The following PSG2 variants were observed in gnomAD, a reference collection of about 807,000 sequenced individuals.
PSG2 encodes pregnancy-specific beta-1-glycoprotein 2.
PSG2 carries 49 observed loss-of-function variants against 36.2 expected under a neutral mutation model. The ratio of observed to expected loss-of-function variants is 1.35; its 90% CI spans 1.08 to 1.72. The LOEUF is 1.72. Among genes scored for constraint, PSG2 ranks in the 40% most tolerant of loss-of-function variants. PSG2 has a pLI of 0.00. For missense variants in PSG2, 605 were observed against 407.2 expected, an observed-to-expected ratio of 1.49 and a Z score of -4.18; for synonymous variants, 261 against 155.6, an observed-to-expected ratio of 1.68 and a Z score of -5.04.
chr19:43,082,633 C>A lies in PSG2; in HGVS notation c.-64G>T. The A allele has an allele frequency of 6.3e-7, 1 of 1,589,880 alleles. No individual in the cohort carries two copies. Among genetic ancestry groups the A allele is most frequent in the Non-Finnish European group, 8.6e-7 (1 of 1,162,616 alleles). The stretch of plus-strand genomic sequence containing the variant: ...GCCTAGGATCCAGAAACTTCCTGAG[C>A]ACGGCTGTCAGCTGTGCTGTCCTTC... On this transcript the variant is annotated 5_prime_UTR_variant, in exon 1 of 6. Transcript: ENST00000406487.
chr19:43,082,287 C>T (rs1967991674), intron 1 of PSG2: 1 of 645,592 alleles, frequency 1.5e-6, no homozygotes, highest in Non-Finnish European at 2.5e-6. Flanking sequence ...ATTACAGGAA[C>T]ACACGACAAT....
intron 3 of PSG2, among the ~76,000 whole-genome samples, chr19:43,073,083 T>A (rs1276651001): frequency 6.6e-6 from 1 of 151,708 alleles, no homozygotes; most frequent in Non-Finnish European, 1.5e-5. Flanking sequence ...ATAATGGGAC[T>A]TCCCATTGTC....
chr19:43,080,366 G>A (rs2122918667), intron 2 of PSG2, among the ~76,000 whole-genome samples: 1 of 151,930 alleles, frequency 6.6e-6, no homozygotes, highest in South Asian at 2.1e-4. Flanking sequence ...AGCTCCAGGA[G>A]ACACAGTCCT....
chr19:43,075,281 C>G (rs1441226937), intron 3 of PSG2, 73 bp downstream of exon 3: 2 of 1,612,322 alleles, frequency 1.2e-6, no homozygotes, highest in Non-Finnish European at 8.5e-7. Flanking sequence ...CTGAGAGGGA[C>G]TGAGAGGCCT....
At chr19:43,074,389 T>C (rs1443876179) in intron 3 of PSG2, among the ~76,000 whole-genome samples, 1 of 151,784 alleles carries the variant, frequency 6.6e-6, no homozygotes, top group Non-Finnish European at 1.5e-5. Context: ...GTTTTGTAGT[T>C]TTCAAGGTAT....
Position 43,082,454 on chromosome 19 carries a change from C to A in PSG2, c.64+52G>T, listed in dbSNP as rs555046811. 9.4e-6 allele frequency: 15 copies of A among 1,595,158 alleles called. No individual in the cohort carries two copies. The South Asian group carries it at 1.4e-4, about 15-fold the overall frequency. On this transcript the variant is annotated intron_variant, in intron 1 of 5. Transcript: ENST00000406487. ...CCCCATCCTCTCCAGGAGACCCCAT[C>A]CAGTCACTCTTCTTCCTCCTCCTGT...
At chr19:43,078,568 C>T (rs1483510354) in intron 2 of PSG2, among the ~76,000 whole-genome samples, 1 of 151,542 alleles carries the variant, frequency 6.6e-6, no homozygotes, top group South Asian at 2.1e-4. Context: ...AGGCGGATTC[C>T]AGCACAAACT....
At position 43,079,387 on chromosome 19, in the gene PSG2, G is replaced by A. The variant is rs749960653; in HGVS notation, c.430+1494C>T. 3.3e-5 allele frequency among the ~76,000 whole-genome samples: 5 copies of A among 151,582 alleles called. 2 individuals carry two copies. Among genetic ancestry groups the A allele is most frequent in the African/African-American group, 2.4e-5 (1 of 41,020 alleles). On this transcript the variant is annotated intron_variant, in intron 2 of 5. Coordinates refer to ENST00000406487, the MANE Select transcript of PSG2 (RefSeq NM_031246.4). ...GTGGGGGGATGAAACATGGGTGTCA[G>A]CTTCTGAAGGACAAGGGACAGGTGT...
At chr19:43,081,379 ACACACACACACACACACAC>A in intron 1 of PSG2, 133 bp from the exon 2 acceptor site, 1 of 1,329,688 alleles carries the variant, frequency 7.5e-7, no homozygotes, top group Non-Finnish European at 1.0e-6. Context: ...ACACACACAC[ACACACACACACACACACAC>A]AAAAGGGGCA....
At chr19:43,082,381 C>T (rs1057149903) in intron 1 of PSG2, 125 bp downstream of exon 1, 39 of 1,441,078 alleles carry the variant, frequency 2.7e-5, no homozygotes, top group Non-Finnish European at 3.7e-5. Context: ...ATCTCGTGAT[C>T]CACCCACCTC....
At chr19:43,079,332 G>T (rs1967938779) in intron 2 of PSG2, among the ~76,000 whole-genome samples, 1 of 151,484 alleles carries the variant, frequency 6.6e-6, no homozygotes, top group Non-Finnish European at 1.5e-5. Flanking sequence ...AGAGTTACAT[G>T]AGGTGGGGTT....
rs1266908171 is a variant in PSG2, at chr19:43,081,212, A to T, written c.99T>A (p.Thr33=). The change falls in exon 2 of 6, where the codon ACT becomes ACA. Residue 33 remains threonine (T), a synonymous_variant. Coordinates refer to ENST00000406487, the MANE Select transcript of PSG2 (RefSeq NM_031246.4). ...SLLNFWNLPT[T]AQVTIEAQPP... is the part of the protein sequence containing the mutation. ...GCTGGGCTTCAATCGTGACTTGGGCAGTGGTGGGCAGGTTCCAGAAGTTTA... is the reference window on the plus strand; with the variant it reads ...GCTGGGCTTCAATCGTGACTTGGGCTGTGGTGGGCAGGTTCCAGAAGTTTA... 1.2e-6 allele frequency: 2 copies of T among 1,612,460 alleles called. No homozygotes were observed. The highest frequency in any genetic ancestry group is 1.7e-6 in the Non-Finnish European group (2 of 1,179,606).
At chr19:43,066,166 G>A (rs1218265902) in intron 5 of PSG2, among the ~76,000 whole-genome samples, 2 of 151,746 alleles carry the variant, frequency 1.3e-5, no homozygotes, top group East Asian at 3.8e-4. Flanking sequence ...GAGACAAGAA[G>A]TCAAGCAATA....
rs111574245 is a variant in PSG2 at position 43,079,013 on chromosome 19, T to C, written c.430+1868A>G. On this transcript the variant is annotated intron_variant, in intron 2 of 5. Transcript: ENST00000406487. ...GGCAACTCCAGGTGATTTCTGCACC[T>C]TTCCTATTTCCTGGGAGGTTGGCTA... Among the ~76,000 whole-genome samples the C allele has an allele frequency of 5.1e-3, 780 of 151,708 alleles. 28 individuals carry two copies. Among genetic ancestry groups the C allele is most frequent in the African/African-American group, 0.018 (731 of 41,124 alleles).
intron 2 of PSG2, among the ~76,000 whole-genome samples, chr19:43,076,191 G>A (rs2122910340): frequency 6.6e-6 from 1 of 151,796 alleles, no homozygotes; most frequent in Non-Finnish European, 1.5e-5. Context: ...GGTCAGTTCA[G>A]TCATCAGGCA....
intron 2 of PSG2, 39 bp from the exon 3 acceptor site, chr19:43,075,671 C>A (rs530379018): frequency 1.9e-6 from 3 of 1,583,598 alleles, no homozygotes; most frequent in East Asian, 4.5e-5. Context: ...CTGTGTGGCA[C>A]CTTTGATTCC....
chr19:43,076,499 C>T lies in PSG2; in HGVS notation c.431-867G>A, dbSNP rs562660646. On this transcript the variant is annotated intron_variant, in intron 2 of 5. Transcript: ENST00000406487. ...CATGAACTGATGATGGAAGTCTGGC[C>T]CTCATGGACCATATGTGTTTGGTGG... 8.6e-5 allele frequency among the ~76,000 whole-genome samples: 13 copies of T among 151,774 alleles called. No homozygotes were observed. In the South Asian group the frequency reaches 2.7e-3, roughly 32 times the overall value.
Position 43,080,759 on chromosome 19 carries a change from C to A in PSG2, c.430+122G>T, listed in dbSNP as rs546043430. On this transcript the variant is annotated intron_variant, in intron 2 of 5. Transcript: ENST00000406487. ...GTGTGTCCTGCACTAAATGCCCAAA[C>A]CCCAGCATGGGACATAATGCAGAGA... 365 of 1,585,938 alleles carry A rather than the reference C, an allele frequency of 2.3e-4. 7 individuals carry two copies. In the South Asian group the frequency reaches 3.9e-3, roughly 17 times the overall value.
rs537110486 is a variant in PSG2 at position 43,080,878 on chromosome 19, T to C, written c.430+3A>G. On this transcript the variant is annotated splice_donor_region_variant and intron_variant, in intron 2 of 5. Coordinates refer to ENST00000406487, the MANE Select transcript of PSG2 (RefSeq NM_031246.4). ...CACCCAGGGATCATGTGGAATCACT[T>C]ACGGTATAAGGTGAAGGTGAAATAT... The C allele has an allele frequency of 1.7e-5, 28 of 1,612,034 alleles. 1 individual carries two copies. The highest frequency in any genetic ancestry group is 6.7e-5 in the African/African-American group (5 of 74,416).
Sources: gnomAD v4.1 joint callset for allele counts (sites outside exome capture counted in the v4.1 genomes callset) on GRCh38, gnomAD v4.1.1 for gene constraint, MANE v1.5 for transcripts, NCBI Gene and HGNC (gene_info 2026-07-23, HGNC 2026-07-21) for gene names.